Variants in UVRAG observed in about 807,000 individuals in gnomAD.
UVRAG encodes the protein UV radiation resistance associated, also known as UV radiation resistance-associated gene protein.
Under a neutral mutation model 78.0 loss-of-function variants are expected in UVRAG, and 19 were observed. That is an observed-to-expected ratio of 0.24 (90% CI 0.17 to 0.36). The LOEUF is 0.36. Among genes scored for constraint, UVRAG ranks in the 10% least tolerant of loss-of-function variants. UVRAG has a pLI of 1.00. For synonymous variants in UVRAG, 323 were observed against 324.6 expected, an observed-to-expected ratio of 1.00 and a Z score of 0.05; for missense variants, 740 against 853.8, an observed-to-expected ratio of 0.87 and a Z score of 1.66.
At chr11:76,100,899 G>C (rs568004032) in intron 13 of UVRAG, among the ~76,000 whole-genome samples, 1 of 152,230 alleles carries the variant, frequency 6.6e-6, no homozygotes, top group African/African-American at 2.4e-5. Flanking sequence ...CAAGGATAAT[G>C]ATCTCCAGCT....
rs150776974 is a variant in UVRAG, at chr11:76,121,735, T to C, written c.1397+5720T>C. Among the ~76,000 whole-genome samples the C allele has an allele frequency of 9.8e-5, 15 of 152,336 alleles. No homozygotes were observed. In the East Asian group the frequency reaches 2.9e-3, roughly 29 times the overall value. ...ACTCTCATTTGTGACCTCCGTTCTTTACTTAGGCAAGTTCCCACTACCCAG... is the reference window on the plus strand; with the variant it reads ...ACTCTCATTTGTGACCTCCGTTCTTCACTTAGGCAAGTTCCCACTACCCAG... On this transcript the variant is annotated intron_variant, in intron 14 of 14. Transcript: ENST00000356136.
At chr11:76,079,224 C>T (rs772334956) in intron 13 of UVRAG, among the ~76,000 whole-genome samples, 3 of 152,174 alleles carry the variant, frequency 2.0e-5, no homozygotes, top group Non-Finnish European at 4.4e-5. Context: ...TGGCTCAAGC[C>T]TGTAATTCCA....
At chr11:75,938,188 T>A (rs1017433785) in intron 6 of UVRAG, among the ~76,000 whole-genome samples, 1 of 152,146 alleles carries the variant, frequency 6.6e-6, no homozygotes, top group Non-Finnish European at 1.5e-5. Flanking sequence ...GTGATTTTCA[T>A]CTCTGAAAGT....
intron 8 of UVRAG, among the ~76,000 whole-genome samples, chr11:75,994,810 G>C (rs1480227374): frequency 6.6e-6 from 1 of 152,130 alleles, no homozygotes; most frequent in African/African-American, 2.4e-5. Context: ...ACAGTTTGCT[G>C]TTTTTCTATT....
In UVRAG at chr11:76,123,385, G is replaced by A. The variant is rs117752922; in HGVS notation, c.1397+7370G>A. On this transcript the variant is annotated intron_variant, in intron 14 of 14. Transcript: ENST00000356136. ...GACTGAAAGAAACAAAAATGATCAC[G>A]TTTCAACTTCATTGGTTAAGAAACA... Among the ~76,000 whole-genome samples, 574 of 152,294 alleles carry A rather than the reference G, an allele frequency of 3.8e-3. 1 individual carries two copies. The highest frequency in any genetic ancestry group is 7.0e-3 in the Non-Finnish European group (476 of 68,014).
At chr11:76,052,081 C>G (rs1049035397) in intron 12 of UVRAG, among the ~76,000 whole-genome samples, 3 of 152,300 alleles carry the variant, frequency 2.0e-5, no homozygotes, top group Admixed American at 6.5e-5. Flanking sequence ...CTAACCAGAA[C>G]ATTTCTTCCT....
At chr11:76,027,597 A>C (rs537466126) in intron 12 of UVRAG, among the ~76,000 whole-genome samples, 1 of 152,050 alleles carries the variant, frequency 6.6e-6, no homozygotes, top group African/African-American at 2.4e-5. Flanking sequence ...CATAGTACCT[A>C]TGTCACTATG....
At chr11:76,029,141 A>G (rs1276286889) in intron 12 of UVRAG, among the ~76,000 whole-genome samples, 1 of 152,168 alleles carries the variant, frequency 6.6e-6, no homozygotes, top group African/African-American at 2.4e-5. Flanking sequence ...ATCAAATCCT[A>G]TATGACAGCA....
chr11:76,123,718 A>G lies in UVRAG; in HGVS notation c.1397+7703A>G, dbSNP rs529139854. ...TCAGAAAATATGGGTTCCAGTTTCA[A>G]CGCTATCACTTAATTTTCATAAGTT... is the stretch of plus-strand genomic sequence containing the variant. On this transcript the variant is annotated intron_variant, in intron 14 of 14. Transcript: ENST00000356136. Among the ~76,000 whole-genome samples, 190 of 152,264 alleles carry G rather than the reference A, an allele frequency of 1.2e-3. 1 individual carries two copies. In the South Asian group the frequency reaches 0.028, roughly 23 times the overall value.
chr11:76,107,889 A>C (rs1285519833), intron 13 of UVRAG, among the ~76,000 whole-genome samples: 1 of 152,132 alleles, frequency 6.6e-6, no homozygotes, highest in Non-Finnish European at 1.5e-5. Flanking sequence ...AGTTCCACAG[A>C]GATGTTTGCC....
intron 1 of UVRAG, among the ~76,000 whole-genome samples, chr11:75,830,760 C>T (rs576211629): frequency 6.6e-6 from 1 of 152,236 alleles, no homozygotes; most frequent in East Asian, 1.9e-4. Context: ...CCTCAATTGC[C>T]AAATGCTTTT....
chr11:76,002,677 G>A (rs866162658), intron 8 of UVRAG, among the ~76,000 whole-genome samples: 2 of 152,116 alleles, frequency 1.3e-5, no homozygotes, highest in African/African-American at 2.4e-5. Flanking sequence ...GTTATATTGT[G>A]GGCTAAAAAG....
At chr11:75,877,779 A>G (rs1475083153) in intron 3 of UVRAG, among the ~76,000 whole-genome samples, 1 of 126,936 alleles carries the variant, frequency 7.9e-6, no homozygotes, top group Non-Finnish European at 1.7e-5. Flanking sequence ...CTGGCCAGGC[A>G]GAGGGGCTCC....
intron 12 of UVRAG, among the ~76,000 whole-genome samples, chr11:76,040,809 C>T (rs1950635018): frequency 1.3e-5 from 2 of 152,092 alleles, no homozygotes; most frequent in African/African-American, 4.8e-5. Context: ...CCTGCCTTGG[C>T]CTCCCAAGGT....
chr11:75,870,055 C>T (rs1030485057), intron 3 of UVRAG, among the ~76,000 whole-genome samples: 8 of 151,918 alleles, frequency 5.3e-5, no homozygotes, highest in Non-Finnish European at 8.8e-5. Flanking sequence ...AGAAATTGGG[C>T]GGGTATGTAT....
intron 12 of UVRAG, among the ~76,000 whole-genome samples, chr11:76,055,083 T>C (rs773512839): frequency 1.1e-4 from 17 of 152,224 alleles, no homozygotes; most frequent in Non-Finnish European, 2.5e-4. Context: ...CGATTAATCC[T>C]GTCACTCAGA....
Position 76,141,027 on chromosome 11 carries a change from T to C in UVRAG, c.1714T>C (p.Leu572=). 1 of 1,614,124 alleles carries C rather than the reference T, an allele frequency of 6.2e-7. No homozygotes were observed. The highest frequency in any genetic ancestry group is 1.6e-4 in the Middle Eastern group (1 of 6,062). ...KKKGEDLVGS[L]NGGHANVHPS... ...AAAAGGAGAGGATCTAGTTGGCAGCTTAAACGGAGGCCACGCGAATGTGCA... is the reference window on the plus strand; with the variant it reads ...AAAAGGAGAGGATCTAGTTGGCAGCCTAAACGGAGGCCACGCGAATGTGCA... Residue 572 remains leucine (L), a synonymous_variant, in exon 15 of 15, where the codon TTA becomes CTA. Transcript: ENST00000356136.
chr11:75,892,630 G>A (rs545440317), intron 5 of UVRAG, among the ~76,000 whole-genome samples: 165 of 152,230 alleles, frequency 1.1e-3, no homozygotes, highest in South Asian at 7.5e-3. Context: ...ATATATGATC[G>A]TAATTAGTGG....
chr11:75,917,473 T>C (rs998744609), intron 6 of UVRAG, among the ~76,000 whole-genome samples: 1 of 152,254 alleles, frequency 6.6e-6, no homozygotes, highest in East Asian at 1.9e-4. Context: ...AGGACTCTTC[T>C]GTATTACTCT....
Sources: gnomAD v4.1 joint callset for allele counts (sites outside exome capture counted in the v4.1 genomes callset) on GRCh38, gnomAD v4.1.1 for gene constraint, MANE v1.5 for transcripts, NCBI Gene and HGNC (gene_info 2026-07-23, HGNC 2026-07-21) for gene names.